Variants in DACH1 observed in about 807,000 individuals in gnomAD.
The protein encoded by DACH1 is dachshund family transcription factor 1.
Under a neutral mutation model 54.2 loss-of-function variants are expected in DACH1, and 12 were observed. The observed-to-expected ratio is 0.22, with a 90% CI of 0.14 to 0.36. DACH1 has a LOEUF of 0.36. DACH1 is among the 10% of genes least tolerant of loss of function. The pLI is 1.00. For missense variants in DACH1, 805 were observed against 929.8 expected, an observed-to-expected ratio of 0.87 and a Z score of 1.75; for synonymous variants, 386 against 366.2, an observed-to-expected ratio of 1.05 and a Z score of -0.62.
chr13:71,823,187 C>T (rs1888257697), intron 1 of DACH1, among the ~76,000 whole-genome samples: 1 of 151,996 alleles, frequency 6.6e-6, no homozygotes. Context: ...CATTAAAATG[C>T]CCCCTTTTGC....
chr13:71,772,462 T>C (rs907475870), intron 1 of DACH1, among the ~76,000 whole-genome samples: 4 of 151,740 alleles, frequency 2.6e-5, no homozygotes, highest in African/African-American at 9.7e-5. Context: ...TCTCAGGCAA[T>C]AGAAGTCATT....
intron 1 of DACH1, among the ~76,000 whole-genome samples, chr13:71,690,472 C>A (rs935248310): frequency 5.9e-5 from 9 of 152,126 alleles, no homozygotes; most frequent in Non-Finnish European, 1.3e-4. Context: ...CAATTATGTG[C>A]AAAAGCTTAC....
chr13:71,506,325 C>A (rs1251426285), intron 6 of DACH1, among the ~76,000 whole-genome samples: 4 of 137,170 alleles, frequency 2.9e-5, no homozygotes, highest in Non-Finnish European at 6.1e-5. Context: ...TGTGATATTC[C>A]CCTTCCTGTG....
intron 10 of DACH1, among the ~76,000 whole-genome samples, chr13:71,459,787 T>C (rs781208942): frequency 2.6e-5 from 4 of 152,034 alleles, no homozygotes; most frequent in Non-Finnish European, 4.4e-5. Context: ...TAAAGTATCA[T>C]TAGTCACCTA....
At chr13:71,513,341 T>A (rs188457948) in intron 6 of DACH1, among the ~76,000 whole-genome samples, 2 of 152,106 alleles carry the variant, frequency 1.3e-5, no homozygotes, top group Non-Finnish European at 2.9e-5. Flanking sequence ...ACCAAATTAA[T>A]GAGGTTTGAT....
intron 1 of DACH1, among the ~76,000 whole-genome samples, chr13:71,702,801 A>G (rs545519397): frequency 6.6e-6 from 1 of 152,274 alleles, no homozygotes; most frequent in South Asian, 2.1e-4. Context: ...GATCTCTTCT[A>G]AAGTCAATTT....
At chr13:71,635,722 C>G (rs978961449) in intron 2 of DACH1, among the ~76,000 whole-genome samples, 2 of 152,062 alleles carry the variant, frequency 1.3e-5, no homozygotes, top group African/African-American at 4.8e-5. Flanking sequence ...TACCCTCCCC[C>G]CTCTTCCATA....
At chr13:71,840,478 G>A (rs903865366) in intron 1 of DACH1, among the ~76,000 whole-genome samples, 2 of 152,044 alleles carry the variant, frequency 1.3e-5, no homozygotes, top group Non-Finnish European at 2.9e-5. Context: ...TATTTCAAGA[G>A]CAATCTCACA....
At position 71,613,025 on chromosome 13, in the gene DACH1, A is replaced by G. The variant is rs1875450415; in HGVS notation, c.1126+17531T>C. Among the ~76,000 whole-genome samples the G allele has an allele frequency of 3.9e-5, 6 of 152,322 alleles. No individual in the cohort carries two copies. In the South Asian group the frequency reaches 1.2e-3, roughly 32 times the overall value. Reference sequence around the variant, plus strand: ...AGGAAGGACGATGGTTATGAAGCAAACAGGCTTGCAAATAAAGATGTTATT... The same window carrying G: ...AGGAAGGACGATGGTTATGAAGCAAGCAGGCTTGCAAATAAAGATGTTATT... On this transcript the variant is annotated intron_variant, in intron 3 of 10. Coordinates refer to ENST00000613252, the MANE Select transcript of DACH1 (RefSeq NM_080759.6).
chr13:71,769,166 T>G (rs533916441), intron 1 of DACH1, among the ~76,000 whole-genome samples: 1 of 151,796 alleles, frequency 6.6e-6, no homozygotes, highest in African/African-American at 2.4e-5. Context: ...CATTTGAGTA[T>G]ACAGCATCTG....
intron 1 of DACH1, among the ~76,000 whole-genome samples, chr13:71,725,805 G>A (rs1184252451): frequency 1.3e-5 from 2 of 152,042 alleles, no homozygotes; most frequent in Non-Finnish European, 2.9e-5. Context: ...AATATGAGTG[G>A]AAGATTTAAG....
intron 4 of DACH1, among the ~76,000 whole-genome samples, chr13:71,561,350 A>G (rs1199099742): frequency 1.3e-5 from 2 of 152,212 alleles, no homozygotes; most frequent in Non-Finnish European, 2.9e-5. Context: ...CTTTGCAGAC[A>G]TAATTAGTTA....
chr13:71,813,192 C>T (rs1163196305), intron 1 of DACH1, among the ~76,000 whole-genome samples: 1 of 152,044 alleles, frequency 6.6e-6, no homozygotes, highest in African/African-American at 2.4e-5. Context: ...TAAAGTAACC[C>T]AAGTTTACTA....
chr13:71,720,156 A>T (rs1417415692), intron 1 of DACH1, among the ~76,000 whole-genome samples: 1 of 152,146 alleles, frequency 6.6e-6, no homozygotes, highest in Non-Finnish European at 1.5e-5. Context: ...TCAGCAGAAA[A>T]TGTCTCAGCA....
chr13:71,652,565 G>A (rs985486289), intron 2 of DACH1, among the ~76,000 whole-genome samples: 22 of 151,862 alleles, frequency 1.4e-4, no homozygotes, highest in African/African-American at 4.8e-4. Flanking sequence ...GCCAAGAATC[G>A]TTCCCCTCCC....
intron 1 of DACH1, among the ~76,000 whole-genome samples, chr13:71,727,681 G>A (rs979884989): frequency 3.9e-5 from 6 of 152,030 alleles, no homozygotes; most frequent in Non-Finnish European, 7.4e-5. Flanking sequence ...GTGGAATGTA[G>A]TTGGCACAAA....
chr13:71,766,107 C>T (rs1488923718), intron 1 of DACH1, among the ~76,000 whole-genome samples: 3 of 151,986 alleles, frequency 2.0e-5, no homozygotes, highest in African/African-American at 4.8e-5. Flanking sequence ...AGGATGGTCT[C>T]GGTCTCCTGA....
intron 2 of DACH1, among the ~76,000 whole-genome samples, chr13:71,662,216 C>T (rs1399154237): frequency 1.3e-5 from 2 of 151,986 alleles, no homozygotes; most frequent in Non-Finnish European, 2.9e-5. Flanking sequence ...CAACGGTACA[C>T]AGAGGTTTTG....
chr13:71,866,409 C>CGCCGCT lies in DACH1; in HGVS notation c.360_361insAGCGGC (p.Gly120_Gly121insSerGly). The CGCCGCT allele has an allele frequency of 7.5e-7, 1 of 1,339,744 alleles. No homozygotes were observed. The highest frequency in any genetic ancestry group is 9.8e-7 in the Non-Finnish European group (1 of 1,018,116). The allele number at this position is 1,339,744 out of a possible 1,614,324, so 83.0% of individuals were successfully genotyped here. ...GCGACGCCGCCGCCAGCGCTGATGCCGCCGCCGCCGCCGCCGCTGCCGTTG... is the reference window on the plus strand; with the variant it reads ...GCGACGCCGCCGCCAGCGCTGATGCCGCCGCTGCCGCCGCCGCCGCCGCTGCCGTTG... On this transcript the variant is annotated inframe_insertion, in exon 1 of 11. Transcript: ENST00000613252.
Sources: gnomAD v4.1 joint callset for allele counts (sites outside exome capture counted in the v4.1 genomes callset) on GRCh38, gnomAD v4.1.1 for gene constraint, MANE v1.5 for transcripts, NCBI Gene and HGNC (gene_info 2026-07-23, HGNC 2026-07-21) for gene names.